ZHX2: variants seen among roughly 807,000 people sequenced by gnomAD.
ZHX2 encodes the protein zinc fingers and homeoboxes 2.
A neutral mutation model predicts 21.9 loss-of-function variants in ZHX2; 6 were observed. The ratio of observed to expected loss-of-function variants is 0.27; its 90% CI spans 0.15 to 0.54. The LOEUF (loss-of-function observed/expected upper bound fraction) is 0.54, where lower values mean the gene tolerates loss of function less well. ZHX2 is among the 20% of genes least tolerant of loss of function. The pLI, the probability that ZHX2 is intolerant of heterozygous loss-of-function variation, is 0.95. For synonymous variants in ZHX2, 434 were observed against 437.1 expected (o/e 0.99, Z 0.09); for missense variants, 908 against 1,090.7 (o/e 0.83, Z 2.36).
chr8:122,858,977 CCACGTG>C (rs1374457922), intron 1 of ZHX2, among the ~76,000 whole-genome samples: 28 of 152,224 alleles, frequency 1.8e-4, no homozygotes, highest in African/African-American at 6.8e-4. Flanking sequence ...CCACTGCCTT[CCACGTG>C]CAGGAACAGA....
chr8:122,966,369 ATTTG>A (rs1053248129), intron 3 of ZHX2, among the ~76,000 whole-genome samples: 1 of 152,140 alleles, frequency 6.6e-6, no homozygotes, highest in African/African-American at 2.4e-5. Flanking sequence ...TTCTCTCAGT[ATTTG>A]TTTGTCTGAA....
intron 2 of ZHX2, among the ~76,000 whole-genome samples, chr8:122,913,631 A>G (rs552898558): frequency 6.6e-6 from 1 of 152,330 alleles, no homozygotes; most frequent in Admixed American, 6.5e-5. Context: ...GGACAGGCAA[A>G]GAACAAAGGC....
chr8:122,876,476 C>T (rs1345655051), intron 2 of ZHX2, among the ~76,000 whole-genome samples: 3 of 152,112 alleles, frequency 2.0e-5, no homozygotes, highest in Non-Finnish European at 4.4e-5. Flanking sequence ...TTAGAGGGTC[C>T]GCCAGGACAT....
intron 1 of ZHX2, among the ~76,000 whole-genome samples, chr8:122,852,777 G>A (rs1426197235): frequency 6.6e-6 from 1 of 152,124 alleles, no homozygotes; most frequent in African/African-American, 2.4e-5. Context: ...TAAGCTATGG[G>A]CTTCCTTTCT....
intron 2 of ZHX2, among the ~76,000 whole-genome samples, chr8:122,934,297 C>T (rs1172843074): frequency 6.6e-6 from 1 of 152,202 alleles, no homozygotes; most frequent in Non-Finnish European, 1.5e-5. Context: ...CTTACCCACT[C>T]AACTGACTTC....
intron 1 of ZHX2, among the ~76,000 whole-genome samples, chr8:122,858,706 T>C (rs1819094595): frequency 6.7e-6 from 1 of 149,482 alleles, no homozygotes; most frequent in Non-Finnish European, 1.5e-5. Flanking sequence ...AGTGGCACGA[T>C]CTTGGCTCAC....
intron 1 of ZHX2, among the ~76,000 whole-genome samples, chr8:122,810,799 T>TA (rs1554623969): frequency 2.0e-5 from 3 of 152,206 alleles, no homozygotes; most frequent in African/African-American, 7.2e-5. Context: ...CTTTTTTTTT[T>TA]TTATTATTAT....
intron 2 of ZHX2, among the ~76,000 whole-genome samples, chr8:122,906,015 A>G (rs1369289016): frequency 6.6e-6 from 1 of 152,228 alleles, no homozygotes; most frequent in Non-Finnish European, 1.5e-5. Context: ...CAGAGCCTCA[A>G]TTAGGGAATG....
chr8:122,942,322 C>A (rs1335141164), intron 2 of ZHX2, among the ~76,000 whole-genome samples: 2 of 152,160 alleles, frequency 1.3e-5, no homozygotes, highest in Non-Finnish European at 2.9e-5. Flanking sequence ...CTGTTAACAG[C>A]CCTGTCAGAA....
rs751321473 is a variant in ZHX2, at chr8:122,953,991, C to A, written c.2481C>A (p.Ser827=). ...EGVSELAESD[S]DCVPAEAGQA ...TGTCGGAACTGGCTGAATCAGACTC[C>A]GACTGCGTCCCTGCAGAGGCTGGCC... The change falls in exon 3 of 4, where the codon TCC becomes TCA. Residue 827 remains serine (S), a synonymous_variant. Transcript: ENST00000314393. This position sits in a 1 kb window ranked among gnomAD's most constrained non-coding sequence, Gnocchi z 4.6. 7 of 1,609,546 alleles carry A rather than the reference C, an allele frequency of 4.3e-6. No individual in the cohort carries two copies. The South Asian group carries it at 7.7e-5, about 18-fold the overall frequency.
At chr8:122,810,556 G>T (rs1323823031) in intron 1 of ZHX2, 3 of 152,220 alleles carry the variant, frequency 2.0e-5, no homozygotes, top group Non-Finnish European at 4.4e-5. Flanking sequence ...CGGCCCTGAG[G>T]TGTCACGTCC....
At chr8:122,890,347 T>C (rs942373334) in intron 2 of ZHX2, among the ~76,000 whole-genome samples, 1 of 152,216 alleles carries the variant, frequency 6.6e-6, no homozygotes, top group African/African-American at 2.4e-5. Context: ...ACCATACTGT[T>C]TTGTTAACTA....
At chr8:122,855,348 G>T (rs1819001300) in intron 1 of ZHX2, among the ~76,000 whole-genome samples, 1 of 152,184 alleles carries the variant, frequency 6.6e-6, no homozygotes, top group South Asian at 2.1e-4. Flanking sequence ...ATACCACCTT[G>T]CATTTCAAGT....
chr8:122,835,008 C>T (rs1231896157), intron 1 of ZHX2, among the ~76,000 whole-genome samples: 2 of 152,152 alleles, frequency 1.3e-5, no homozygotes, highest in Admixed American at 1.3e-4. Flanking sequence ...ATGGTATCAG[C>T]ATGTGCCTGA....
intron 1 of ZHX2, among the ~76,000 whole-genome samples, chr8:122,848,284 C>T (rs150082326): frequency 1.3e-5 from 2 of 152,132 alleles, no homozygotes; most frequent in Admixed American, 6.5e-5. Context: ...GAGGCAGCCC[C>T]CAGGCCACAA....
intron 2 of ZHX2, among the ~76,000 whole-genome samples, chr8:122,909,744 T>C (rs1472991586): frequency 1.3e-5 from 2 of 152,186 alleles, no homozygotes; most frequent in African/African-American, 4.8e-5. Flanking sequence ...CCATCCCCAC[T>C]GCTGCTGTCC....
intron 3 of ZHX2, among the ~76,000 whole-genome samples, chr8:122,961,719 C>T (rs534632022): frequency 6.6e-6 from 1 of 152,270 alleles, no homozygotes; most frequent in Non-Finnish European, 1.5e-5. Context: ...AGGAGAACAG[C>T]TTGGGGGAAA....
intron 2 of ZHX2, among the ~76,000 whole-genome samples, chr8:122,871,926 G>A (rs1230781723): frequency 2.0e-5 from 3 of 152,070 alleles, no homozygotes; most frequent in Non-Finnish European, 4.4e-5. Flanking sequence ...CATACAGGCT[G>A]GTGATTACCA....
At chr8:122,822,831 G>GGA (rs1329583464) in intron 1 of ZHX2, among the ~76,000 whole-genome samples, 1 of 152,252 alleles carries the variant, frequency 6.6e-6, no homozygotes, top group Non-Finnish European at 1.5e-5. Context: ...GATGGTGAGT[G>GGA]GAGACTGCTC....
Sources: gnomAD v4.1 joint callset for allele counts (sites outside exome capture counted in the v4.1 genomes callset) on GRCh38, gnomAD v4.1.1 for gene constraint, Gnocchi (gnomAD v3.1) non-coding constraint, MANE v1.5 for transcripts, NCBI Gene and HGNC (gene_info 2026-07-23, HGNC 2026-07-21) for gene names.